SEMA3E: variants seen among roughly 807,000 people sequenced by gnomAD.
The protein encoded by SEMA3E is semaphorin-3E.
In SEMA3E, 49 loss-of-function variants were observed where a neutral mutation model predicts 93.6. The ratio of observed to expected loss-of-function variants is 0.52; its 90% confidence interval spans 0.42 to 0.66. The LOEUF is 0.66. Ranked by LOEUF, SEMA3E falls within the 30% of genes least tolerant of loss-of-function variation. The probability of loss-of-function intolerance (pLI) is 0.00; values close to 1 mark genes in which losing one functional copy is unlikely to be tolerated. For synonymous variants in SEMA3E, 363 were observed against 330.7 expected (o/e 1.10, Z -1.06); for missense variants, 906 against 964.8 (o/e 0.94, Z 0.81).
intron 14 of SEMA3E, among the ~76,000 whole-genome samples, chr7:83,391,153 C>T (rs1788010766): frequency 6.6e-6 from 1 of 152,114 alleles, no homozygotes; most frequent in South Asian, 2.1e-4. Flanking sequence ...TTTGTGCAGA[C>T]AATTAATTCC....
intron 1 of SEMA3E, among the ~76,000 whole-genome samples, chr7:83,512,975 A>G (rs1790855498): frequency 1.3e-5 from 2 of 152,248 alleles, no homozygotes; most frequent in South Asian, 2.1e-4. Context: ...AATGACATAC[A>G]TATTCTTTGA....
At chr7:83,489,219 T>C (rs1650302055) in intron 2 of SEMA3E, among the ~76,000 whole-genome samples, 1 of 152,088 alleles carries the variant, frequency 6.6e-6, no homozygotes, top group African/African-American at 2.4e-5. Context: ...AAAATTCTCA[T>C]CTTCCTTAAA....
chr7:83,590,403 G>A (rs1194188023), intron 1 of SEMA3E, among the ~76,000 whole-genome samples: 1 of 152,096 alleles, frequency 6.6e-6, no homozygotes, highest in Non-Finnish European at 1.5e-5. Context: ...ATGACTATTG[G>A]AAATATTAGG....
intron 1 of SEMA3E, among the ~76,000 whole-genome samples, chr7:83,647,999 A>ACAAATT (rs1794101503): frequency 6.6e-6 from 1 of 152,308 alleles, no homozygotes; most frequent in Admixed American, 6.5e-5. Context: ...AACAAAAAGA[A>ACAAATT]CAAATTGCAC....
At chr7:83,433,543 AAATT>A (rs1190089386) in intron 4 of SEMA3E, among the ~76,000 whole-genome samples, 1 of 150,154 alleles carries the variant, frequency 6.7e-6, no homozygotes, top group African/African-American at 2.4e-5. Flanking sequence ...AGCATCTTTT[AAATT>A]AATAATTGGA....
intron 5 of SEMA3E, among the ~76,000 whole-genome samples, chr7:83,414,784 G>GT (rs934679882): frequency 6.6e-6 from 1 of 151,844 alleles, no homozygotes; most frequent in African/African-American, 2.4e-5. Context: ...AAATCAGGGT[G>GT]TTTTTTTCCC....
chr7:83,555,599 C>T (rs765711187), intron 1 of SEMA3E, among the ~76,000 whole-genome samples: 3 of 152,098 alleles, frequency 2.0e-5, no homozygotes, highest in Non-Finnish European at 2.9e-5. Context: ...AGTGTGATTG[C>T]GATTTGCCCA....
At chr7:83,424,818 T>A (rs1175921772) in intron 4 of SEMA3E, 3 of 184,780 alleles carry the variant, frequency 1.6e-5, no homozygotes, top group African/African-American at 7.1e-5. Flanking sequence ...ACCGGGATGA[T>A]GCAGTGCGAG....
At chr7:83,545,535 A>G (rs550003886) in intron 1 of SEMA3E, among the ~76,000 whole-genome samples, 3 of 139,006 alleles carry the variant, frequency 2.2e-5, no homozygotes, top group Non-Finnish European at 4.6e-5. Flanking sequence ...TTTAGGTCAA[A>G]ACTGTTGAAG....
intron 1 of SEMA3E, among the ~76,000 whole-genome samples, chr7:83,625,165 T>C (rs537229007): frequency 6.9e-4 from 105 of 152,318 alleles, no homozygotes; most frequent in Non-Finnish European, 1.2e-3. Context: ...GCGTGATGCC[T>C]CCAGCTTTGT....
chr7:83,390,733 T>C (rs1788001077), intron 14 of SEMA3E, among the ~76,000 whole-genome samples: 1 of 152,186 alleles, frequency 6.6e-6, no homozygotes, highest in South Asian at 2.1e-4. Flanking sequence ...CCATTACATG[T>C]CACTGAACTG....
intron 2 of SEMA3E, among the ~76,000 whole-genome samples, chr7:83,488,541 A>C (rs550693461): frequency 1.3e-5 from 2 of 152,194 alleles, no homozygotes; most frequent in Non-Finnish European, 2.9e-5. Flanking sequence ...AAGTGGTTTC[A>C]ACCTAGAATT....
At chr7:83,641,808 C>G (rs566164486) in intron 1 of SEMA3E, among the ~76,000 whole-genome samples, 17 of 152,276 alleles carry the variant, frequency 1.1e-4, no homozygotes, top group African/African-American at 3.8e-4. Flanking sequence ...TAGATTAATT[C>G]TCTCTGAATC....
intron 1 of SEMA3E, among the ~76,000 whole-genome samples, chr7:83,543,447 TG>T (rs1791580495): frequency 6.6e-6 from 1 of 152,076 alleles, no homozygotes; most frequent in African/African-American, 2.4e-5. Flanking sequence ...ACTGCCTATG[TG>T]TCCAGACTCA....
At chr7:83,537,523 A>G (rs1469251537) in intron 1 of SEMA3E, among the ~76,000 whole-genome samples, 1 of 152,140 alleles carries the variant, frequency 6.6e-6, no homozygotes, top group Non-Finnish European at 1.5e-5. Context: ...TATACATTCT[A>G]TAATGCACTG....
rs187392079 is a variant in SEMA3E, at chr7:83,414,094, A to G, written c.550+4296T>C. Among the ~76,000 whole-genome samples, 428 of 152,298 alleles carry G rather than the reference A, an allele frequency of 2.8e-3. 1 individual carries two copies. The highest frequency in any genetic ancestry group is 9.0e-3 in the African/African-American group (374 of 41,578). ...GAGCAGCAGCATTGGATAAGAAATTATAGATATTCTTTAGGGACAGGAAAG... is the reference window on the plus strand; with the variant it reads ...GAGCAGCAGCATTGGATAAGAAATTGTAGATATTCTTTAGGGACAGGAAAG... On this transcript the variant is annotated intron_variant, in intron 5 of 16. Coordinates refer to ENST00000643230, the MANE Select transcript of SEMA3E (RefSeq NM_012431.3).
At chr7:83,611,467 C>T (rs2115585516) in intron 1 of SEMA3E, among the ~76,000 whole-genome samples, 1 of 147,824 alleles carries the variant, frequency 6.8e-6, no homozygotes, top group East Asian at 2.0e-4. Flanking sequence ...AACCATTATC[C>T]CCCTTGACCT....
At chr7:83,518,501 AATCTC>A (rs1423035554) in intron 1 of SEMA3E, among the ~76,000 whole-genome samples, 1 of 152,130 alleles carries the variant, frequency 6.6e-6, no homozygotes, top group East Asian at 1.9e-4. Flanking sequence ...GTTCATATCT[AATCTC>A]ATCTTCTTAC....
chr7:83,383,530 C>T (rs1242995168), intron 16 of SEMA3E, among the ~76,000 whole-genome samples: 2 of 151,688 alleles, frequency 1.3e-5, no homozygotes, highest in African/African-American at 4.8e-5. Flanking sequence ...TCCTTAAAAG[C>T]CAAGTATTAT....
Sources: gnomAD v4.1 joint callset for allele counts (sites outside exome capture counted in the v4.1 genomes callset) on GRCh38, gnomAD v4.1.1 for gene constraint, MANE v1.5 for transcripts, NCBI Gene and HGNC (gene_info 2026-07-23, HGNC 2026-07-21) for gene names.